SPOCK3: variants seen among roughly 807,000 people sequenced by gnomAD.
The protein encoded by SPOCK3 is SPARC (osteonectin), cwcv and kazal like domains proteoglycan 3, also known as testican-3.
SPOCK3 carries 30 observed loss-of-function variants against 56.6 expected under a neutral mutation model. The ratio of observed to expected loss-of-function variants is 0.53; its 90% CI spans 0.40 to 0.72. The LOEUF (loss-of-function observed/expected upper bound fraction) is 0.72, where lower values mean the gene tolerates loss of function less well. SPOCK3 is among the 30% of genes least tolerant of loss of function. The probability of loss-of-function intolerance (pLI) is 0.00; values close to 1 mark genes in which losing one functional copy is unlikely to be tolerated. For missense variants in SPOCK3, 527 were observed against 530.0 expected (o/e 0.99, Z 0.06); for synonymous variants, 196 against 183.3 (o/e 1.07, Z -0.56).
chr4:167,039,790 C>T (rs532980173), intron 3 of SPOCK3, among the ~76,000 whole-genome samples: 81 of 151,994 alleles, frequency 5.3e-4, no homozygotes, highest in Middle Eastern at 3.4e-3. Flanking sequence ...AAATGTATAG[C>T]GAAAACATTT....
At chr4:166,843,052 G>A (rs566936655) in intron 6 of SPOCK3, among the ~76,000 whole-genome samples, 4 of 152,308 alleles carry the variant, frequency 2.6e-5, no homozygotes, top group East Asian at 1.9e-4. Context: ...CGCACCCTCC[G>A]CAGCTGCTGG....
chr4:166,993,471 C>T (rs1005240001), intron 4 of SPOCK3, among the ~76,000 whole-genome samples: 2 of 152,124 alleles, frequency 1.3e-5, no homozygotes, highest in African/African-American at 2.4e-5. Context: ...TAATCTTTAA[C>T]CCACCAAAGC....
At chr4:167,072,410 C>T (rs781432323) in intron 2 of SPOCK3, among the ~76,000 whole-genome samples, 11 of 151,706 alleles carry the variant, frequency 7.3e-5, no homozygotes, top group South Asian at 6.2e-4. Flanking sequence ...CCATAAGGCC[C>T]GAAAAGCTTA....
chr4:167,199,453 G>C (rs969952034), intron 2 of SPOCK3, among the ~76,000 whole-genome samples: 1 of 151,934 alleles, frequency 6.6e-6, no homozygotes. Context: ...CAATGTGCAA[G>C]AACAAAGACT....
chr4:167,188,471 G>A (rs1381066468), intron 2 of SPOCK3, among the ~76,000 whole-genome samples: 3 of 145,628 alleles, frequency 2.1e-5, no homozygotes, highest in South Asian at 2.1e-4. Flanking sequence ...AATATGTTAC[G>A]ATATAACAGA....
intron 7 of SPOCK3, among the ~76,000 whole-genome samples, chr4:166,790,573 A>G (rs1741235850): frequency 6.6e-6 from 1 of 152,136 alleles, no homozygotes; most frequent in African/African-American, 2.4e-5. Context: ...AACTCTAAAG[A>G]AGTTTCTTAT....
intron 9 of SPOCK3, among the ~76,000 whole-genome samples, chr4:166,737,858 A>G (rs1579071081): frequency 6.6e-6 from 1 of 152,132 alleles, no homozygotes; most frequent in Non-Finnish European, 1.5e-5. Context: ...GCAAAGTACT[A>G]TCTTACTAGT....
intron 2 of SPOCK3, among the ~76,000 whole-genome samples, chr4:167,106,317 CAAT>C (rs1366330082): frequency 2.6e-5 from 4 of 151,606 alleles, no homozygotes; most frequent in African/African-American, 9.7e-5. Flanking sequence ...AACTAGAAAT[CAAT>C]AATAAGAGGA....
At chr4:167,204,281 A>T (rs1048487281) in intron 2 of SPOCK3, among the ~76,000 whole-genome samples, 2 of 152,048 alleles carry the variant, frequency 1.3e-5, no homozygotes, top group Non-Finnish European at 2.9e-5. Flanking sequence ...AACAAAGAAA[A>T]AACTTGTATC....
chr4:166,838,764 T>C (rs948934982), intron 6 of SPOCK3, among the ~76,000 whole-genome samples: 2 of 142,464 alleles, frequency 1.4e-5, no homozygotes, highest in South Asian at 2.9e-4. Flanking sequence ...TCCTGGCTAA[T>C]ACAGTGAAAC....
At chr4:167,171,746 C>T (rs1730516113) in intron 2 of SPOCK3, among the ~76,000 whole-genome samples, 2 of 151,864 alleles carry the variant, frequency 1.3e-5, no homozygotes, top group Non-Finnish European at 2.9e-5. Flanking sequence ...AAATCTATGG[C>T]ATAATTTTCC....
chr4:166,770,728 G>T (rs929717458), intron 7 of SPOCK3, among the ~76,000 whole-genome samples: 1 of 152,142 alleles, frequency 6.6e-6, no homozygotes. Flanking sequence ...GGTAGAGATT[G>T]TCAGACCAGA....
At chr4:167,214,859 C>G (rs1735208946) in intron 2 of SPOCK3, among the ~76,000 whole-genome samples, 2 of 152,056 alleles carry the variant, frequency 1.3e-5, no homozygotes, top group Non-Finnish European at 2.9e-5. Context: ...TGATGACTTA[C>G]AGCAGAAACC....
chr4:167,203,230 A>G (rs905956659), intron 2 of SPOCK3, among the ~76,000 whole-genome samples: 4 of 151,944 alleles, frequency 2.6e-5, no homozygotes, highest in African/African-American at 9.7e-5. Flanking sequence ...GAAAAATTGT[A>G]TGTATTAGAA....
chr4:166,964,762 A>T (rs2150063165), intron 4 of SPOCK3, among the ~76,000 whole-genome samples: 1 of 152,004 alleles, frequency 6.6e-6, no homozygotes, highest in African/African-American at 2.4e-5. Flanking sequence ...TGAAAAATCA[A>T]AGAACTAAAA....
chr4:167,146,879 C>T (rs1387848190), intron 2 of SPOCK3, among the ~76,000 whole-genome samples: 1 of 151,820 alleles, frequency 6.6e-6, no homozygotes, highest in Non-Finnish European at 1.5e-5. Context: ...AAACTGACAC[C>T]CTAACATCAC....
intron 6 of SPOCK3, among the ~76,000 whole-genome samples, chr4:166,881,810 A>T (rs17520406): frequency 0.077 from 11,745 of 152,184 alleles, 539 homozygotes; most frequent in Non-Finnish European, 0.1. Flanking sequence ...TATTTCATTA[A>T]TCTTCCATGC....
intron 5 of SPOCK3, among the ~76,000 whole-genome samples, chr4:166,898,707 G>C (rs1735680079): frequency 6.6e-6 from 1 of 152,250 alleles, no homozygotes. Flanking sequence ...TACCATGAGT[G>C]AGCCAAGATT....
chr4:167,022,597 A>T (rs565909170), intron 3 of SPOCK3, among the ~76,000 whole-genome samples: 30 of 152,166 alleles, frequency 2.0e-4, no homozygotes, highest in African/African-American at 6.7e-4. Context: ...TACAATTGAA[A>T]GTACAGCCCA....
Sources: gnomAD v4.1 joint callset for allele counts (sites outside exome capture counted in the v4.1 genomes callset) on GRCh38, gnomAD v4.1.1 for gene constraint, MANE v1.5 for transcripts, NCBI Gene and HGNC (gene_info 2026-07-23, HGNC 2026-07-21) for gene names.